Variants in NWD2 observed in about 807,000 individuals in gnomAD.
The protein encoded by NWD2 is NACHT and WD repeat domain containing 2.
Under a neutral mutation model 132.7 loss-of-function variants are expected in NWD2, and 37 were observed. The observed-to-expected ratio is 0.28, with a 90% CI of 0.21 to 0.37. NWD2 has a LOEUF of 0.37. NWD2 is among the 10% of genes least tolerant of loss of function. The pLI is 1.00. For synonymous variants in NWD2, 705 were observed against 803.0 expected, an observed-to-expected ratio of 0.88 and a Z score of 2.06; for missense variants, 1,592 against 2,122.4, an observed-to-expected ratio of 0.75 and a Z score of 4.91.
At chr4:37,393,092 C>A (rs960129373) in intron 3 of NWD2, among the ~76,000 whole-genome samples, 2 of 152,010 alleles carry the variant, frequency 1.3e-5, no homozygotes, top group Non-Finnish European at 1.5e-5. Flanking sequence ...CACGGCGCCT[C>A]AGGAAGTGAA....
intron 1 of NWD2, among the ~76,000 whole-genome samples, chr4:37,298,819 C>A (rs1197132745): frequency 6.6e-6 from 1 of 152,106 alleles, no homozygotes; most frequent in Non-Finnish European, 1.5e-5. Flanking sequence ...ATGTTAATCA[C>A]CCCGTTATGA....
chr4:37,270,795 TGTA>T (rs1363044923), intron 1 of NWD2, among the ~76,000 whole-genome samples: 1 of 151,830 alleles, frequency 6.6e-6, no homozygotes, highest in Non-Finnish European at 1.5e-5. Flanking sequence ...TTTTTCAAAA[TGTA>T]GTGGTTTTTA....
intron 4 of NWD2, among the ~76,000 whole-genome samples, chr4:37,431,201 G>T (rs969978101): frequency 6.6e-6 from 1 of 152,072 alleles, no homozygotes; most frequent in Non-Finnish European, 1.5e-5. Context: ...CACACTCCCA[G>T]GTTCATTGCA....
intron 3 of NWD2, among the ~76,000 whole-genome samples, chr4:37,399,363 A>T (rs865880339): frequency 6.6e-6 from 1 of 152,182 alleles, no homozygotes; most frequent in Non-Finnish European, 1.5e-5. Context: ...ACCCCAGTTT[A>T]TATTATTTTT....
At chr4:37,293,078 C>T (rs756562020) in intron 1 of NWD2, among the ~76,000 whole-genome samples, 9 of 152,262 alleles carry the variant, frequency 5.9e-5, no homozygotes, top group Non-Finnish European at 1.2e-4. Flanking sequence ...CAATTGTAAA[C>T]GGGCTGGTAC....
At chr4:37,250,858 A>T (rs1717343256) in intron 1 of NWD2, among the ~76,000 whole-genome samples, 4 of 152,222 alleles carry the variant, frequency 2.6e-5, no homozygotes, top group African/African-American at 9.6e-5. Context: ...CACGTAGGTC[A>T]TATGGTAAAG....
At chr4:37,394,837 G>A (rs1331051364) in intron 3 of NWD2, among the ~76,000 whole-genome samples, 7 of 39,720 alleles carry the variant, frequency 1.8e-4, no homozygotes, top group East Asian at 8.0e-4. Context: ...TTGAGGCAGA[G>A]CCTCCCTCCA....
chr4:37,341,757 G>A (rs1719532190), intron 2 of NWD2, among the ~76,000 whole-genome samples: 1 of 152,140 alleles, frequency 6.6e-6, no homozygotes, highest in East Asian at 1.9e-4. Flanking sequence ...CCGTAAAACA[G>A]AATATTATTA....
intron 3 of NWD2, among the ~76,000 whole-genome samples, chr4:37,424,551 A>C (rs747104548): frequency 6.6e-6 from 1 of 152,186 alleles, no homozygotes; most frequent in Non-Finnish European, 1.5e-5. Flanking sequence ...AAACAGACCC[A>C]CCTGCCTTGC....
chr4:37,245,960 T>TG, intron 1 of NWD2, among the ~76,000 whole-genome samples: 1 of 152,340 alleles, frequency 6.6e-6, no homozygotes, highest in African/African-American at 2.4e-5. Context: ...GGTTGAACGC[T>TG]GGGCGGTCAA....
intron 2 of NWD2, among the ~76,000 whole-genome samples, chr4:37,351,080 G>A (rs754195410): frequency 6.6e-6 from 1 of 152,088 alleles, no homozygotes; most frequent in South Asian, 2.1e-4. Context: ...GATTCAGTTT[G>A]CCAGTATTTT....
chr4:37,395,652 G>T (rs560832723), intron 3 of NWD2, among the ~76,000 whole-genome samples: 4 of 148,606 alleles, frequency 2.7e-5, no homozygotes, highest in Non-Finnish European at 5.9e-5. Flanking sequence ...TCCATTATGG[G>T]GAAGGGGCCT....
intron 2 of NWD2, among the ~76,000 whole-genome samples, chr4:37,354,094 A>G (rs939526959): frequency 6.6e-6 from 1 of 152,162 alleles, no homozygotes; most frequent in African/African-American, 2.4e-5. Flanking sequence ...TCCAACACTC[A>G]GGACCCTCTG....
intron 1 of NWD2, among the ~76,000 whole-genome samples, chr4:37,307,163 GTAATTTTCTGTAGTGATAAAGTT>G (rs1285545213): frequency 1.3e-5 from 2 of 152,116 alleles, no homozygotes; most frequent in African/African-American, 4.8e-5. Context: ...CTGCAGTTTG[GTAATTTTCTGTAGTGATAAAGTT>G]TAATTATTTC....
At chr4:37,299,776 A>G (rs910518014) in intron 1 of NWD2, among the ~76,000 whole-genome samples, 1 of 152,102 alleles carries the variant, frequency 6.6e-6, no homozygotes, top group Non-Finnish European at 1.5e-5. Context: ...TTGATGAAAG[A>G]TGTTTTTCTT....
intron 1 of NWD2, among the ~76,000 whole-genome samples, chr4:37,279,983 G>A (rs1008068266): frequency 2.6e-5 from 4 of 152,170 alleles, no homozygotes; most frequent in African/African-American, 9.6e-5. Context: ...ACAAGTGGTT[G>A]CTAAATGGCT....
intron 3 of NWD2, among the ~76,000 whole-genome samples, chr4:37,387,096 T>A (rs1027490864): frequency 6.6e-6 from 1 of 152,170 alleles, no homozygotes; most frequent in African/African-American, 2.4e-5. Flanking sequence ...TGAATCACTG[T>A]TAACTACATT....
intron 1 of NWD2, among the ~76,000 whole-genome samples, chr4:37,311,517 GT>G (rs1392030876): frequency 6.7e-6 from 1 of 150,314 alleles, no homozygotes; most frequent in East Asian, 2.0e-4. Context: ...TGAGTTCATT[GT>G]AGATTCTGGA....
intron 3 of NWD2, among the ~76,000 whole-genome samples, chr4:37,423,145 C>T (rs996106337): frequency 3.3e-5 from 5 of 152,118 alleles, no homozygotes; most frequent in South Asian, 4.1e-4. Flanking sequence ...TGCATACAAG[C>T]GTGTATCTGT....
Sources: gnomAD v4.1 joint callset for allele counts (sites outside exome capture counted in the v4.1 genomes callset) on GRCh38, gnomAD v4.1.1 for gene constraint, MANE v1.5 for transcripts, NCBI Gene and HGNC (gene_info 2026-07-23, HGNC 2026-07-21) for gene names.